Variants in PLEKHG3 observed in about 807,000 individuals in gnomAD.
PLEKHG3 encodes the protein pleckstrin homology domain-containing family G member 3.
Under a neutral mutation model 94.9 loss-of-function variants are expected in PLEKHG3, and 62 were observed. That is an observed-to-expected ratio of 0.65 (90% CI 0.53 to 0.81). The LOEUF (loss-of-function observed/expected upper bound fraction) is 0.81, where lower values mean the gene tolerates loss of function less well. PLEKHG3 is among the 30% of genes least tolerant of loss of function. The pLI, the probability that PLEKHG3 is intolerant of heterozygous loss-of-function variation, is 0.00. For synonymous variants in PLEKHG3, 614 were observed against 654.0 expected, an observed-to-expected ratio of 0.94 and a Z score of 0.93; for missense variants, 1,461 against 1,619.3, an observed-to-expected ratio of 0.90 and a Z score of 1.68.
chr14:64,730,528 C>G lies in PLEKHG3; in HGVS notation c.520-114C>G. On this transcript the variant is annotated intron_variant, in intron 4 of 16. Coordinates refer to ENST00000247226, the MANE Select transcript of PLEKHG3 (RefSeq NM_001308147.2). The surrounding 1 kb of genome is among the most constrained non-coding windows in gnomAD (Gnocchi z 5.4). Reference sequence around the variant, plus strand: ...ATAGGTATAAAGATGGCTCTGTAGGCATTTGGGAACAGGGGACAGAGGGTG... The same window carrying G: ...ATAGGTATAAAGATGGCTCTGTAGGGATTTGGGAACAGGGGACAGAGGGTG... 1.1e-6 allele frequency: 1 copy of G among 872,018 alleles called. No homozygotes were observed. The highest frequency in any genetic ancestry group is 1.9e-6 in the Non-Finnish European group (1 of 532,126). The allele number at this position is 872,018 out of a possible 1,614,324, so 54.0% of individuals were successfully genotyped here. A position where few individuals can be genotyped will look rare whatever the true frequency, so the allele number is the denominator to read the frequency against.
In PLEKHG3 at chr14:64,731,260, G is replaced by T; in HGVS notation, c.849+91G>T. ...GGGACTGTGGCCACCCTGCTGGGATGAGCTGGGCAGTGGCATTGGGGGAGC... is the reference window on the plus strand; with the variant it reads ...GGGACTGTGGCCACCCTGCTGGGATTAGCTGGGCAGTGGCATTGGGGGAGC... On this transcript the variant is annotated intron_variant, in intron 7 of 16. Coordinates refer to ENST00000247226, the MANE Select transcript of PLEKHG3 (RefSeq NM_001308147.2). This position sits in a 1 kb window ranked among gnomAD's most constrained non-coding sequence, Gnocchi z 6.1. 12 of 1,454,906 alleles carry T rather than the reference G, an allele frequency of 8.2e-6. No homozygotes were observed. The highest frequency in any genetic ancestry group is 1.2e-5 in the South Asian group (1 of 84,206). The allele number at this position is 1,454,906 out of a possible 1,614,324, so 90.1% of individuals were successfully genotyped here. A position where few individuals can be genotyped will look rare whatever the true frequency, so the allele number is the denominator to read the frequency against.
rs1421461020 is a variant in PLEKHG3 at position 64,708,331 on chromosome 14, C to T, written c.-40+3627C>T. Among the ~76,000 whole-genome samples the T allele has an allele frequency of 2.0e-5, 3 of 152,182 alleles. No individual in the cohort carries two copies. The East Asian group carries it at 5.8e-4, about 29-fold the overall frequency. On this transcript the variant is annotated intron_variant, in intron 1 of 16. Coordinates refer to ENST00000247226, the MANE Select transcript of PLEKHG3 (RefSeq NM_001308147.2). ...TCCCTGACCTCCCGACTCTGCCTCA[C>T]AGCTGGGAAGGCTGTCCACCCCTCC...
chr14:64,737,241 G>T (rs1187937279), intron 13 of PLEKHG3, 115 bp from the exon 14 acceptor site: 1 of 783,652 alleles, frequency 1.3e-6, no homozygotes, highest in Non-Finnish European at 2.2e-6. Context: ...GGAGCCCCCA[G>T]TGAGGACTTC....
rs1012940549 is a variant in PLEKHG3, at chr14:64,739,993, A to AT, written c.1519-1039dup. Among the ~76,000 whole-genome samples the AT allele has an allele frequency of 6.6e-6, 1 of 152,252 alleles. No homozygotes were observed. The highest frequency in any genetic ancestry group is 2.4e-5 in the African/African-American group (1 of 41,468). On this transcript the variant is annotated intron_variant, in intron 15 of 16. Transcript: ENST00000247226. This position sits in a 1 kb window ranked among gnomAD's most constrained non-coding sequence, Gnocchi z 4.1. ...AGTTTAAAAGAAGCAGATGAAATTA[A>AT]TTTTAGTAGTATATTTTATTTAACC...
Position 64,727,291 on chromosome 14 carries a change from A to G in PLEKHG3, c.-39-302A>G, listed in dbSNP as rs913555527. On this transcript the variant is annotated intron_variant, in intron 1 of 16. Transcript: ENST00000247226. The surrounding 1 kb of genome is among the most constrained non-coding windows in gnomAD (Gnocchi z 6.0). ...TCATCAGTGCTCATAGAGTCTGAGA[A>G]CAGGGCCCTTCTTGGGATTCAGTTT... Among the ~76,000 whole-genome samples, 17 of 152,300 alleles carry G rather than the reference A, an allele frequency of 1.1e-4. No individual in the cohort carries two copies. The highest frequency in any genetic ancestry group is 3.8e-4 in the African/African-American group (16 of 41,562).
At position 64,728,110 on chromosome 14, in the gene PLEKHG3, G is replaced by A. The variant is rs1345771858; in HGVS notation, c.351+128G>A. ...CTGGGGTCTCCCACCCTCGCTGACT[G>A]CACTGTGAAAGCTGTTGACCCCTGA... On this transcript the variant is annotated intron_variant, in intron 2 of 16. Coordinates refer to ENST00000247226, the MANE Select transcript of PLEKHG3 (RefSeq NM_001308147.2). This position sits in a 1 kb window ranked among gnomAD's most constrained non-coding sequence, Gnocchi z 5.9. 1.6e-6 allele frequency: 1 copy of A among 638,524 alleles called. No individual in the cohort carries two copies. Among genetic ancestry groups the A allele is most frequent in the Non-Finnish European group, 2.6e-6 (1 of 378,640 alleles). 39.6% of individuals were successfully genotyped at this position (638,524 alleles called of 1,614,324 possible).
At chr14:64,714,203 A>C (rs1189811757) in intron 1 of PLEKHG3, among the ~76,000 whole-genome samples, 1 of 152,190 alleles carries the variant, frequency 6.6e-6, no homozygotes, top group African/African-American at 2.4e-5. Flanking sequence ...AGAGGATGGG[A>C]TACTTCAAAG....
At position 64,738,664 on chromosome 14, in the gene PLEKHG3, G is replaced by GGCACTGCCCGTGTTGGGAT; in HGVS notation, c.1405-74_1405-56dup. ...CAGCCCAGCCCCTTGGGGCGTGGGA[G>GGCACTGCCCGTGTTGGGAT]GCACTGCCCGTGTTGGGATGCAGAA... On this transcript the variant is annotated intron_variant, in intron 14 of 16. Coordinates refer to ENST00000247226, the MANE Select transcript of PLEKHG3 (RefSeq NM_001308147.2). This position sits in a 1 kb window ranked among gnomAD's most constrained non-coding sequence, Gnocchi z 4.8. 1 of 1,030,038 alleles carries GGCACTGCCCGTGTTGGGAT rather than the reference G, an allele frequency of 9.7e-7. No homozygotes were observed. The highest frequency in any genetic ancestry group is 1.5e-6 in the Non-Finnish European group (1 of 673,152). The allele number at this position is 1,030,038 out of a possible 1,614,324, so 63.8% of individuals were successfully genotyped here.
At chr14:64,734,602 A>C (rs2081535380) in intron 12 of PLEKHG3, among the ~76,000 whole-genome samples, 1 of 152,256 alleles carries the variant, frequency 6.6e-6, no homozygotes, top group Non-Finnish European at 1.5e-5. Context: ...TAAAGAGCTG[A>C]AGTTTCCACA....
chr14:64,709,767 A>G (rs2081038840), intron 1 of PLEKHG3, among the ~76,000 whole-genome samples: 1 of 138,686 alleles, frequency 7.2e-6, no homozygotes, highest in South Asian at 2.3e-4. Context: ...GTGTGTGTGT[A>G]GTATTAGAAA....
chr14:64,730,152 T>G lies in PLEKHG3; in HGVS notation c.450-91T>G, dbSNP rs1396975281. On this transcript the variant is annotated intron_variant, in intron 3 of 16. Coordinates refer to ENST00000247226, the MANE Select transcript of PLEKHG3 (RefSeq NM_001308147.2). The surrounding 1 kb of genome is among the most constrained non-coding windows in gnomAD (Gnocchi z 5.4). ...TTTAGCAAAGCAATAGGGCTGGCTG[T>G]CAGTCAGGGTTTGGGAGGTTGGGGA... 2 of 712,800 alleles carry G rather than the reference T, an allele frequency of 2.8e-6. No individual in the cohort carries two copies. Among genetic ancestry groups the G allele is most frequent in the Non-Finnish European group, 4.9e-6 (2 of 407,026 alleles). The allele number at this position is 712,800 out of a possible 1,614,324, so 44.2% of individuals were successfully genotyped here. A position where few individuals can be genotyped will look rare whatever the true frequency, so the allele number is the denominator to read the frequency against.
In PLEKHG3 at chr14:64,732,129, A is replaced by G. The variant is rs2081479742; in HGVS notation, c.1160A>G (p.His387Arg). 3 of 1,613,924 alleles carry G rather than the reference A, an allele frequency of 1.9e-6. No individual in the cohort carries two copies. The highest frequency in any genetic ancestry group is 2.5e-6 in the Non-Finnish European group (3 of 1,179,966). Residue 387 changes from histidine to arginine, a missense_variant, in exon 10 of 17, where the codon CAC becomes CGC. This residue lies in a region of PLEKHG3 where 1,201 missense variants were observed against 1,295.5 expected (regional missense o/e 0.93). Transcript: ENST00000247226. The surrounding 1 kb of genome is among the most constrained non-coding windows in gnomAD (Gnocchi z 4.9). ...GTGGAGGAGAAACGGAACTGGACTC[A>G]CCACATCAAGAGGCTCATCCTAGAG... ...KTVEEKRNWT[H>R]HIKRLILENH...
intron 15 of PLEKHG3, among the ~76,000 whole-genome samples, chr14:64,740,222 A>G (rs995020130): frequency 2.6e-5 from 4 of 152,162 alleles, no homozygotes; most frequent in Non-Finnish European, 4.4e-5. Context: ...AGTCTAGATC[A>G]TGGGTCTTGC....
chr14:64,714,737 C>A (rs1405329267), intron 1 of PLEKHG3, among the ~76,000 whole-genome samples: 3 of 152,164 alleles, frequency 2.0e-5, no homozygotes, highest in Admixed American at 1.3e-4. Flanking sequence ...AACAGCTTGG[C>A]CTTCCCTTCC....
In PLEKHG3 at chr14:64,741,588, C is replaced by G. The variant is rs767420388; in HGVS notation, c.2071C>G (p.Pro691Ala). ...TGTCAATGGGATGGAGCCCCCAAGC[C>G]CAGGCTGCCCAGTGGAGCCTGACCG... ...PSVNGMEPPS[P>A]GCPVEPDRSS... Residue 691 changes from proline to alanine, a missense_variant, in exon 16 of 17, where the codon CCA becomes GCA. By Grantham distance (27) the Pro-to-Ala change is conservative. This residue lies in a region of PLEKHG3 where 1,201 missense variants were observed against 1,295.5 expected (regional missense o/e 0.93). Coordinates refer to ENST00000247226, the MANE Select transcript of PLEKHG3 (RefSeq NM_001308147.2). The G allele has an allele frequency of 7.4e-6, 12 of 1,612,866 alleles. No individual in the cohort carries two copies. The highest frequency in any genetic ancestry group is 2.2e-5 in the South Asian group (2 of 91,084).
intron 1 of PLEKHG3, among the ~76,000 whole-genome samples, chr14:64,714,767 C>T (rs1012206278): frequency 6.6e-6 from 1 of 152,174 alleles, no homozygotes; most frequent in Non-Finnish European, 1.5e-5. Flanking sequence ...TATCTGTGCT[C>T]CCACTGGGGA....
Position 64,715,509 on chromosome 14 carries a change from A to T in PLEKHG3, c.-40+10805A>T, listed in dbSNP as rs758682227. On this transcript the variant is annotated intron_variant, in intron 1 of 16. Coordinates refer to ENST00000247226, the MANE Select transcript of PLEKHG3 (RefSeq NM_001308147.2). This position sits in a 1 kb window ranked among gnomAD's most constrained non-coding sequence, Gnocchi z 4.4. ...GCATTTGGAGAGCCACTTGTGCCTC[A>T]GTTTCCTGACCTGTAAAATAGGGAT... Among the ~76,000 whole-genome samples, 3 of 152,152 alleles carry T rather than the reference A, an allele frequency of 2.0e-5. No individual in the cohort carries two copies. The highest frequency in any genetic ancestry group is 4.4e-5 in the Non-Finnish European group (3 of 68,024).
chr14:64,705,323 C>T (rs1008928722), intron 1 of PLEKHG3, among the ~76,000 whole-genome samples: 1 of 152,210 alleles, frequency 6.6e-6, no homozygotes, highest in Non-Finnish European at 1.5e-5. Context: ...TTTGGAAAGC[C>T]AGTATAAGGC....
rs1418158657 is a variant in PLEKHG3, at chr14:64,741,535, TG to T, written c.2023del (p.Val675TrpfsTer43). 6.2e-7 allele frequency: 1 copy of T among 1,612,846 alleles called. No individual in the cohort carries two copies. The highest frequency in any genetic ancestry group is 8.5e-7 in the Non-Finnish European group (1 of 1,179,994). On this transcript the variant is annotated frameshift_variant, in exon 16 of 17. Transcript: ENST00000247226. LOFTEE classifies it high-confidence loss of function. ...CTCTCCCCAGAAGTGGACATCAGTG[TG>T]GGGGTGGCCACAGAGGACAGCCCTT... Reference protein sequence around the residue: ...CQLSPEVDISVGVATEDSPSV... With the variant: ...CQLSPEVDISXGVATEDSPSV...
Sources: allele counts gnomAD v4.1 joint callset (sites outside exome capture counted in the v4.1 genomes callset), GRCh38; gene constraint gnomAD v4.1.1; regional missense constraint gnomAD v4.1.1; non-coding constraint Gnocchi (gnomAD v3.1); transcripts MANE v1.5; gene names NCBI Gene and HGNC (gene_info 2026-07-23, HGNC 2026-07-21).